The following RNASET2 variants were observed in gnomAD, a reference collection of about 807,000 sequenced individuals.
The protein encoded by RNASET2 is ribonuclease T2.
Under a neutral mutation model 33.9 loss-of-function variants are expected in RNASET2, and 28 were observed. That is an observed-to-expected ratio of 0.83 (90% CI 0.61 to 1.13). The LOEUF (loss-of-function observed/expected upper bound fraction) is 1.13. RNASET2 is among the 50% of genes most tolerant of loss of function. The pLI, the probability that RNASET2 is intolerant of heterozygous loss-of-function variation, is 0.00. For synonymous variants in RNASET2, 123 were observed against 121.0 expected (o/e 1.02, Z -0.11); for missense variants, 330 against 319.9 (o/e 1.03, Z -0.24).
intron 2 of RNASET2, among the ~76,000 whole-genome samples, chr6:166,949,299 C>A (rs191982213): frequency 6.7e-6 from 1 of 149,348 alleles, no homozygotes; most frequent in African/African-American, 2.5e-5. Flanking sequence ...GTCAGGAGAT[C>A]GAGACCATCC....
chr6:166,950,627 AC>A (rs1365779263), intron 2 of RNASET2, among the ~76,000 whole-genome samples: 1 of 152,258 alleles, frequency 6.6e-6, no homozygotes, highest in African/African-American at 2.4e-5. Flanking sequence ...AGCTTGACAC[AC>A]CGAGCAGGGT....
intron 1 of RNASET2, among the ~76,000 whole-genome samples, chr6:166,954,785 G>T (rs936267105): frequency 2.0e-5 from 3 of 152,202 alleles, no homozygotes; most frequent in African/African-American, 7.2e-5. Context: ...AGGCCGAGGC[G>T]GGCGGATCAC....
intron 5 of RNASET2, among the ~76,000 whole-genome samples, chr6:166,940,933 A>G (rs1348233774): frequency 6.6e-6 from 1 of 152,002 alleles, no homozygotes; most frequent in Non-Finnish European, 1.5e-5. Flanking sequence ...GGGGCTGGTT[A>G]TGCCCAAAGA....
chr6:166,950,779 G>C (rs776767541), intron 2 of RNASET2, among the ~76,000 whole-genome samples: 7 of 152,242 alleles, frequency 4.6e-5, no homozygotes, highest in Non-Finnish European at 1.0e-4. Context: ...AGGGCCGTGA[G>C]TGCCATGGGT....
intron 1 of RNASET2, 139 bp downstream of exon 1, chr6:166,955,958 G>T: frequency 9.2e-7 from 1 of 1,091,000 alleles, no homozygotes; most frequent in Non-Finnish European, 1.3e-6. Context: ...ACCCCGGAGC[G>T]TGCTCGGCTC....
In RNASET2 at chr6:166,929,717, G is replaced by A. The variant is rs201960492; in HGVS notation, c.642C>T (p.Thr214=). The A allele has an allele frequency of 2.0e-5, 32 of 1,614,010 alleles. No homozygotes were observed. In the African/African-American group the frequency reaches 2.5e-4, roughly 13 times the overall value. The change falls in exon 9 of 9, where the codon ACC becomes ACT. Residue 214 remains threonine, a synonymous_variant. Coordinates refer to ENST00000508775, the MANE Select transcript of RNASET2 (RefSeq NM_003730.6). ...TKQDQQLQNC[T]EPGEQPSPKQ... ...TGGGGGACGGCTGCTCCCCCGGCTC[G>A]GTGCAGTTTTGCAGCTGCTGGTCTT...
chr6:166,938,633 C>A (rs747913539), intron 6 of RNASET2: 8 of 717,196 alleles, frequency 1.1e-5, no homozygotes, highest in South Asian at 1.1e-4. Context: ...TCCCTATGGC[C>A]GACTCTGATG....
rs1313743214 is a variant in RNASET2, at chr6:166,925,341, C to G, written c.*4247G>C. Among the ~76,000 whole-genome samples, 1 of 151,836 alleles carries G rather than the reference C, an allele frequency of 6.6e-6. No individual in the cohort carries two copies. On this transcript the variant is annotated 3_prime_UTR_variant, in exon 9 of 9. Coordinates refer to ENST00000508775, the MANE Select transcript of RNASET2 (RefSeq NM_003730.6). ...GCCCTCACTCAAGCCACCCAGCTCT[C>G]ACTTCCTCCATCCAGGCATCATTCC...
At chr6:166,935,132 G>A (rs1778534828) in intron 6 of RNASET2, 1 of 151,958 alleles carries the variant, frequency 6.6e-6, no homozygotes, top group Non-Finnish European at 1.5e-5. Flanking sequence ...GGTCCTTTCA[G>A]CCCCATCATG....
chr6:166,939,512 C>T (rs1429099404), intron 5 of RNASET2, among the ~76,000 whole-genome samples: 4 of 152,190 alleles, frequency 2.6e-5, no homozygotes, highest in African/African-American at 7.2e-5. Flanking sequence ...TTTCAGTTCA[C>T]GTCTACAATT....
intron 5 of RNASET2, among the ~76,000 whole-genome samples, chr6:166,941,934 G>C (rs1778701161): frequency 6.6e-6 from 1 of 152,168 alleles, no homozygotes; most frequent in Non-Finnish European, 1.5e-5. Context: ...TTATGCCCTA[G>C]GCTTAGCTTC....
chr6:166,952,819 A>C (rs536027825), intron 1 of RNASET2: 2 of 437,592 alleles, frequency 4.6e-6, no homozygotes, highest in African/African-American at 4.0e-5. Context: ...GAGGCAGGGC[A>C]AGCTAGGAGT....
chr6:166,955,520 T>G, intron 1 of RNASET2: 1 of 986,394 alleles, frequency 1.0e-6, no homozygotes, highest in Non-Finnish European at 1.2e-6. Flanking sequence ...AAGCTGAAAT[T>G]AAGTGTCCCC....
Position 166,942,256 on chromosome 6 carries a change from T to C in RNASET2, c.332+763A>G, listed in dbSNP as rs940473521. Among the ~76,000 whole-genome samples, 8 of 152,168 alleles carry C rather than the reference T, an allele frequency of 5.3e-5. No individual in the cohort carries two copies. The East Asian group carries it at 1.5e-3, about 29-fold the overall frequency. On this transcript the variant is annotated intron_variant, in intron 5 of 8. Coordinates refer to ENST00000508775, the MANE Select transcript of RNASET2 (RefSeq NM_003730.6). The stretch of plus-strand genomic sequence containing the variant: ...TTAGTAGAGATGGGGTTTTGCCATG[T>C]TGGCCAGGCTGGTCTCGAACTCCTG...
chr6:166,942,092 G>A (rs1182107348), intron 5 of RNASET2, among the ~76,000 whole-genome samples: 2 of 120,160 alleles, frequency 1.7e-5, no homozygotes, highest in African/African-American at 6.9e-5. Flanking sequence ...TTGCCCTGTT[G>A]CCCGGGCTGG....
chr6:166,943,871 C>T, intron 4 of RNASET2: 1 of 395,118 alleles, frequency 2.5e-6, no homozygotes, highest in Non-Finnish European at 5.3e-6. Flanking sequence ...CCTGTAATCC[C>T]AGCACTTTCG....
intron 7 of RNASET2, chr6:166,932,398 C>T (rs1316392934): frequency 6.5e-6 from 1 of 153,134 alleles, no homozygotes; most frequent in African/African-American, 2.4e-5. Flanking sequence ...CCCTCCTGCT[C>T]TGCCCCTGAG....
intron 2 of RNASET2, 59 bp from the exon 3 acceptor site, chr6:166,948,684 G>A: frequency 9.9e-7 from 1 of 1,012,502 alleles, no homozygotes; most frequent in Non-Finnish European, 1.6e-6. Context: ...ATACACTTAG[G>A]AACCCTATTA....
Position 166,928,267 on chromosome 6 carries a change from C to T in RNASET2, c.*1321G>A, listed in dbSNP as rs541033531. 2.0e-5 allele frequency among the ~76,000 whole-genome samples: 3 copies of T among 152,300 alleles called. No homozygotes were observed. Among genetic ancestry groups the T allele is most frequent in the South Asian group, 2.1e-4 (1 of 4,824 alleles). ...GCCACTGAGTCTAGGATCAGGACTG[C>T]GACACCTACTTTCTCACCGTCCCAT... On this transcript the variant is annotated 3_prime_UTR_variant, in exon 9 of 9. Coordinates refer to ENST00000508775, the MANE Select transcript of RNASET2 (RefSeq NM_003730.6).
Sources: allele counts gnomAD v4.1 joint callset (sites outside exome capture counted in the v4.1 genomes callset), GRCh38; gene constraint gnomAD v4.1.1; transcripts MANE v1.5; gene names NCBI Gene and HGNC (gene_info 2026-07-23, HGNC 2026-07-21).